Variants in CTNND2 observed in about 807,000 individuals in gnomAD.
CTNND2 encodes the protein catenin delta 2, also known as catenin delta-2.
Under a neutral mutation model 144.4 loss-of-function variants are expected in CTNND2, and 22 were observed. That is an observed-to-expected ratio of 0.15 (90% CI 0.11 to 0.22). The LOEUF (loss-of-function observed/expected upper bound fraction) is 0.22, where lower values mean the gene tolerates loss of function less well. Ranked by LOEUF, CTNND2 falls within the 10% of genes least tolerant of loss-of-function variation. The probability of loss-of-function intolerance (pLI) is 1.00; values close to 1 mark genes in which losing one functional copy is unlikely to be tolerated. For synonymous variants in CTNND2, 751 were observed against 695.6 expected (o/e 1.08, Z -1.25); for missense variants, 1,353 against 1,618.8 (o/e 0.84, Z 2.82).
intron 9 of CTNND2, among the ~76,000 whole-genome samples, chr5:11,246,252 T>C (rs1378974359): frequency 6.6e-6 from 1 of 152,140 alleles, no homozygotes. Flanking sequence ...TTGAAGAGTG[T>C]CTCCCAGAAT....
intron 9 of CTNND2, among the ~76,000 whole-genome samples, chr5:11,292,375 G>T (rs1390630189): frequency 1.3e-5 from 2 of 152,200 alleles, no homozygotes; most frequent in African/African-American, 4.8e-5. Flanking sequence ...TAAAAGGAGG[G>T]AATTTGGGCC....
At chr5:11,008,081 G>A (rs971210252) in intron 18 of CTNND2, among the ~76,000 whole-genome samples, 1 of 152,212 alleles carries the variant, frequency 6.6e-6, no homozygotes, top group Non-Finnish European at 1.5e-5. Flanking sequence ...TGGTGAGCAT[G>A]GAGTTAGGAG....
At position 11,889,605 on chromosome 5, in the gene CTNND2, G is replaced by C. The variant is rs575205408; in HGVS notation, c.37+14212C>G. ...AGGCACAGCTAATTTAAATAAGCAG[G>C]GGATTTCATGATAGTGGAGTCCAAA... On this transcript the variant is annotated intron_variant, in intron 1 of 21. Coordinates refer to ENST00000304623, the MANE Select transcript of CTNND2 (RefSeq NM_001332.4). Among the ~76,000 whole-genome samples, 8 of 152,208 alleles carry C rather than the reference G, an allele frequency of 5.3e-5. No homozygotes were observed. The South Asian group carries it at 1.0e-3, about 20-fold the overall frequency.
intron 2 of CTNND2, among the ~76,000 whole-genome samples, chr5:11,662,103 A>G (rs1031451157): frequency 6.8e-6 from 1 of 148,124 alleles, no homozygotes; most frequent in African/African-American, 2.5e-5. Flanking sequence ...ATATACACAT[A>G]TTTATGTGTG....
At chr5:11,888,748 CTTT>C (rs566356140) in intron 1 of CTNND2, among the ~76,000 whole-genome samples, 3 of 134,678 alleles carry the variant, frequency 2.2e-5, no homozygotes, top group African/African-American at 2.7e-5. Context: ...CAGAATGACT[CTTT>C]TTTTTTTTTT....
intron 16 of CTNND2, among the ~76,000 whole-genome samples, chr5:11,066,657 T>C (rs1238078014): frequency 1.3e-5 from 2 of 152,198 alleles, no homozygotes; most frequent in Non-Finnish European, 2.9e-5. Flanking sequence ...TCACTCATAT[T>C]TGGCTCAGAA....
At chr5:11,042,300 G>A (rs1744760470) in intron 16 of CTNND2, among the ~76,000 whole-genome samples, 2 of 152,188 alleles carry the variant, frequency 1.3e-5, no homozygotes, top group South Asian at 2.1e-4. Context: ...CAGAGAAGAC[G>A]TATGTTAGTC....
At chr5:10,976,172 A>ATGGACATT (rs57777342) in intron 21 of CTNND2, among the ~76,000 whole-genome samples, 5 of 100,942 alleles carry the variant, frequency 5.0e-5, no homozygotes, top group African/African-American at 6.8e-5. Context: ...CTCTTGTGGT[A>ATGGACATT]TCTTGTGGTA....
intron 2 of CTNND2, among the ~76,000 whole-genome samples, chr5:11,585,704 A>T (rs925314099): frequency 5.9e-5 from 9 of 152,206 alleles, no homozygotes; most frequent in Non-Finnish European, 8.8e-5. Context: ...AAGGCAATTT[A>T]AAAAAGCAAT....
At chr5:11,082,267 A>C (rs1749652031) in intron 16 of CTNND2, among the ~76,000 whole-genome samples, 2 of 152,228 alleles carry the variant, frequency 1.3e-5, no homozygotes, top group Non-Finnish European at 2.9e-5. Flanking sequence ...TGAATACCAA[A>C]TTAAAGAGAG....
At chr5:11,675,247 C>T (rs891367416) in intron 2 of CTNND2, among the ~76,000 whole-genome samples, 1 of 152,160 alleles carries the variant, frequency 6.6e-6, no homozygotes, top group Admixed American at 6.5e-5. Flanking sequence ...TAATGTATAG[C>T]AGAACAGAAA....
chr5:11,721,424 T>C (rs1581774845), intron 2 of CTNND2, among the ~76,000 whole-genome samples: 1 of 152,044 alleles, frequency 6.6e-6, no homozygotes, highest in Non-Finnish European at 1.5e-5. Context: ...GACTTAGAAG[T>C]AGAGAAAATG....
At chr5:11,377,354 C>T (rs1331624159) in intron 7 of CTNND2, among the ~76,000 whole-genome samples, 1 of 152,112 alleles carries the variant, frequency 6.6e-6, no homozygotes, top group African/African-American at 2.4e-5. Context: ...TGGGCCCAGC[C>T]TCTGTGTTTT....
At chr5:11,599,192 A>G (rs1471316635) in intron 2 of CTNND2, among the ~76,000 whole-genome samples, 1 of 152,176 alleles carries the variant, frequency 6.6e-6, no homozygotes, top group African/African-American at 2.4e-5. Context: ...CACATGAGAT[A>G]TGAGTGGGGA....
At chr5:11,427,275 CTTTT>C (rs765824451) in intron 3 of CTNND2, among the ~76,000 whole-genome samples, 13 of 120,860 alleles carry the variant, frequency 1.1e-4, no homozygotes, top group African/African-American at 4.5e-4. Context: ...TTCCCATATG[CTTTT>C]TTTTTTTTTT....
chr5:11,366,020 C>T (rs1756949197), intron 7 of CTNND2, among the ~76,000 whole-genome samples: 1 of 152,178 alleles, frequency 6.6e-6, no homozygotes. Context: ...TGTCTTTCAG[C>T]AGCCCTAGTT....
chr5:11,894,560 C>G (rs970331482), intron 1 of CTNND2, among the ~76,000 whole-genome samples: 4 of 152,080 alleles, frequency 2.6e-5, no homozygotes, highest in African/African-American at 9.7e-5. Flanking sequence ...AACTCTTACC[C>G]CCCACCATTA....
chr5:11,057,431 G>A (rs1260784602), intron 16 of CTNND2, among the ~76,000 whole-genome samples: 1 of 152,174 alleles, frequency 6.6e-6, no homozygotes, highest in Non-Finnish European at 1.5e-5. Context: ...TTAAAAATGG[G>A]AGTTCCCCTG....
chr5:11,850,911 A>G (rs1794979507), intron 1 of CTNND2, among the ~76,000 whole-genome samples: 1 of 152,212 alleles, frequency 6.6e-6, no homozygotes, highest in African/African-American at 2.4e-5. Flanking sequence ...ACATGTTTAG[A>G]TATTGCTGTG....
Sources: gnomAD v4.1 joint callset for allele counts (sites outside exome capture counted in the v4.1 genomes callset) on GRCh38, gnomAD v4.1.1 for gene constraint, MANE v1.5 for transcripts, NCBI Gene and HGNC (gene_info 2026-07-23, HGNC 2026-07-21) for gene names.